Variants in KALRN observed in about 807,000 individuals in gnomAD.
The protein encoded by KALRN is kalirin.
KALRN carries 70 observed loss-of-function variants against 353.7 expected under a neutral mutation model. That is an observed-to-expected ratio of 0.20 (90% CI 0.16 to 0.24). The LOEUF (loss-of-function observed/expected upper bound fraction) is 0.24. Ranked by LOEUF, KALRN falls within the 10% of genes least tolerant of loss-of-function variation. KALRN has a pLI of 1.00. For missense variants in KALRN, 2,791 were observed against 3,756.7 expected (o/e 0.74, Z 6.72); for synonymous variants, 1,391 against 1,434.8 (o/e 0.97, Z 0.69).
intron 34 of KALRN, among the ~76,000 whole-genome samples, chr3:124,579,103 A>G (rs75674642): frequency 1.3e-5 from 2 of 151,468 alleles, no homozygotes; most frequent in Non-Finnish European, 2.9e-5. Flanking sequence ...ACCCTAAAGG[A>G]AAAAAAAATG....
chr3:124,268,139 A>G (rs2073776497), intron 4 of KALRN, among the ~76,000 whole-genome samples: 1 of 152,146 alleles, frequency 6.6e-6, no homozygotes, highest in South Asian at 2.1e-4. Flanking sequence ...GGAGACAAAC[A>G]TTCTCCAGTC....
At chr3:124,188,498 A>G (rs1055430542) in intron 1 of KALRN, among the ~76,000 whole-genome samples, 1 of 152,206 alleles carries the variant, frequency 6.6e-6, no homozygotes, top group Non-Finnish European at 1.5e-5. Context: ...ATTGGTGTCT[A>G]GCACCCAGAT....
intron 1 of KALRN, among the ~76,000 whole-genome samples, chr3:124,115,552 G>T (rs1345985300): frequency 6.6e-6 from 1 of 152,146 alleles, no homozygotes; most frequent in African/African-American, 2.4e-5. Flanking sequence ...GTGCTGTATG[G>T]GTGGAGTCTT....
intron 33 of KALRN, chr3:124,519,467 T>C (rs1464434813): frequency 4.0e-5 from 39 of 985,306 alleles, no homozygotes; most frequent in Non-Finnish European, 4.7e-5. Flanking sequence ...TTTTCTAACT[T>C]TTTTTAAAGG....
rs539480376 is a variant in KALRN at position 124,274,194 on chromosome 3, C to T, written c.969+4939C>T. On this transcript the variant is annotated intron_variant, in intron 5 of 59. Coordinates refer to ENST00000682506, the MANE Select transcript of KALRN (RefSeq NM_001388419.1). Reference sequence around the variant, plus strand: ...TTCTAATGCTAGAACTAGAAGCAGCCGTGAAGTCCACACGTCTACCTCCCA... The same window carrying T: ...TTCTAATGCTAGAACTAGAAGCAGCTGTGAAGTCCACACGTCTACCTCCCA... 2.6e-5 allele frequency among the ~76,000 whole-genome samples: 4 copies of T among 152,336 alleles called. No homozygotes were observed. In the South Asian group the frequency reaches 8.3e-4, roughly 32 times the overall value.
chr3:124,584,589 C>T (rs973933946), intron 34 of KALRN: 41 of 1,378,846 alleles, frequency 3.0e-5, no homozygotes, highest in African/African-American at 4.6e-5. Flanking sequence ...CTGCCCACAG[C>T]TGGACCTTGG....
At chr3:124,327,137 G>C (rs1475569510) in intron 7 of KALRN, among the ~76,000 whole-genome samples, 1 of 152,066 alleles carries the variant, frequency 6.6e-6, no homozygotes, top group African/African-American at 2.4e-5. Flanking sequence ...TTGCTTTATT[G>C]TTGCCTAGAG....
intron 33 of KALRN, among the ~76,000 whole-genome samples, chr3:124,528,016 C>A (rs556830620): frequency 1.6e-4 from 25 of 152,336 alleles, no homozygotes; most frequent in African/African-American, 5.8e-4. Context: ...CTTAAAGGGG[C>A]ATTGCAGATT....
At chr3:124,222,074 G>A (rs2077979439) in intron 1 of KALRN, among the ~76,000 whole-genome samples, 1 of 152,304 alleles carries the variant, frequency 6.6e-6, no homozygotes, top group East Asian at 1.9e-4. Flanking sequence ...GTCCTTTAGG[G>A]CTATCTTAGA....
intron 10 of KALRN, among the ~76,000 whole-genome samples, chr3:124,349,105 A>C (rs2082582659): frequency 6.6e-6 from 1 of 152,246 alleles, no homozygotes; most frequent in African/African-American, 2.4e-5. Flanking sequence ...ATGGATAAAC[A>C]AAATGTGTTC....
intron 6 of KALRN, among the ~76,000 whole-genome samples, chr3:124,310,519 A>G (rs1217888739): frequency 6.6e-6 from 1 of 152,242 alleles, no homozygotes; most frequent in Non-Finnish European, 1.5e-5. Flanking sequence ...AACTTAATAC[A>G]AAGCAAAAGT....
At chr3:124,053,233 A>G (rs892176595) in intron 1 of KALRN, among the ~76,000 whole-genome samples, 13 of 152,196 alleles carry the variant, frequency 8.5e-5, no homozygotes, top group Admixed American at 3.9e-4. Context: ...AGAGAGTTAT[A>G]GAAGACTTTA....
intron 1 of KALRN, among the ~76,000 whole-genome samples, chr3:124,055,490 A>G (rs1334102591): frequency 2.0e-5 from 3 of 152,180 alleles, no homozygotes; most frequent in East Asian, 3.8e-4. Context: ...TATTTATTCA[A>G]CTTGTTATGC....
At chr3:124,584,983 A>C (rs1578150656) in intron 34 of KALRN, 5 of 900,268 alleles carry the variant, frequency 5.6e-6, no homozygotes, top group Non-Finnish European at 8.2e-6. Flanking sequence ...GGTGGTAGGG[A>C]GGGAAGGGTT....
At chr3:124,444,872 A>G (rs552721333) in intron 19 of KALRN, among the ~76,000 whole-genome samples, 112 of 152,270 alleles carry the variant, frequency 7.4e-4, no homozygotes, top group Admixed American at 1.6e-3. Context: ...AGCCTAAAAG[A>G]TGAAAAACAG....
chr3:124,403,627 A>G (rs2091147039), intron 13 of KALRN, among the ~76,000 whole-genome samples: 1 of 152,226 alleles, frequency 6.6e-6, no homozygotes, highest in South Asian at 2.1e-4. Context: ...ACTTCTGCCT[A>G]GAGAAGATAA....
chr3:124,486,965 C>G (rs1322209230), intron 28 of KALRN, among the ~76,000 whole-genome samples: 1 of 152,124 alleles, frequency 6.6e-6, no homozygotes, highest in Non-Finnish European at 1.5e-5. Context: ...AAAGCATTTC[C>G]TAGATAAGTC....
chr3:124,245,855 T>A (rs2081066945), intron 3 of KALRN, among the ~76,000 whole-genome samples: 2 of 152,190 alleles, frequency 1.3e-5, no homozygotes, highest in South Asian at 4.1e-4. Context: ...GCCCATGTTT[T>A]AATCAGATTA....
intron 3 of KALRN, among the ~76,000 whole-genome samples, chr3:124,248,965 T>G (rs906734205): frequency 6.6e-6 from 1 of 152,246 alleles, no homozygotes; most frequent in East Asian, 1.9e-4. Flanking sequence ...CATAAGCTGT[T>G]TTCCTTTGCA....
Sources: gnomAD v4.1 joint callset for allele counts (sites outside exome capture counted in the v4.1 genomes callset) on GRCh38, gnomAD v4.1.1 for gene constraint, MANE v1.5 for transcripts, NCBI Gene and HGNC (gene_info 2026-07-23, HGNC 2026-07-21) for gene names.